CSGALNACT1: variants seen among roughly 807,000 people sequenced by gnomAD.
The protein encoded by CSGALNACT1 is beta4GalNAcT-1.
Under a neutral mutation model 51.0 loss-of-function variants are expected in CSGALNACT1, and 52 were observed. The ratio of observed to expected loss-of-function variants is 1.02; its 90% CI spans 0.82 to 1.29. The LOEUF is 1.29. Among genes scored for constraint, CSGALNACT1 ranks in the 50% most tolerant of loss-of-function variants. The pLI is 0.00. For missense variants in CSGALNACT1, 935 were observed against 679.2 expected, an observed-to-expected ratio of 1.38 and a Z score of -4.19; for synonymous variants, 341 against 254.4, an observed-to-expected ratio of 1.34 and a Z score of -3.24.
In CSGALNACT1 at chr8:19,423,851, T is replaced by C. The variant is rs182531796; in HGVS notation, c.954-3333A>G. 8.6e-3 allele frequency among the ~76,000 whole-genome samples: 1,311 copies of C among 152,310 alleles called. 13 individuals carry two copies. The highest frequency in any genetic ancestry group is 0.014 in the South Asian group (70 of 4,832). On this transcript the variant is annotated intron_variant, in intron 6 of 9. Coordinates refer to ENST00000454498, the Ensembl canonical transcript of CSGALNACT1. ...TCCATGGCACTACCCAATCTGAATA[T>C]GCATTTTGAATTCACTTCATGTGTC...
At chr8:19,447,067 T>C (rs967008699) in intron 5 of CSGALNACT1, among the ~76,000 whole-genome samples, 3 of 152,330 alleles carry the variant, frequency 2.0e-5, no homozygotes, top group Admixed American at 6.5e-5. Context: ...AGTTCTGTTA[T>C]GAATCTGCAC....
intron 1 of CSGALNACT1, among the ~76,000 whole-genome samples, chr8:19,702,955 CCCCTT>C (rs1453495270): frequency 6.6e-6 from 1 of 152,124 alleles, no homozygotes; most frequent in Non-Finnish European, 1.5e-5. Context: ...CCCTCTTAGC[CCCCTT>C]CCTGGTGTGG....
chr8:19,415,337 A>G (rs1426603044), intron 8 of CSGALNACT1, among the ~76,000 whole-genome samples: 1 of 152,182 alleles, frequency 6.6e-6, no homozygotes, highest in Non-Finnish European at 1.5e-5. Flanking sequence ...TTCTTTTGGG[A>G]AGGGGGAGTC....
intron 6 of CSGALNACT1, 36 bp downstream of exon 5, chr8:19,439,794 C>G (rs1194976938): frequency 6.6e-7 from 1 of 1,522,828 alleles, no homozygotes; most frequent in Non-Finnish European, 9.1e-7. Flanking sequence ...AGCTCAGTTA[C>G]CAGGATTCCT....
intron 4 of CSGALNACT1, among the ~76,000 whole-genome samples, chr8:19,485,626 G>C (rs933013180): frequency 1.3e-5 from 2 of 152,012 alleles, no homozygotes; most frequent in Admixed American, 1.3e-4. Flanking sequence ...GACAAGATGA[G>C]ATTAATCATT....
chr8:19,638,874 C>T (rs987773580), intron 1 of CSGALNACT1, among the ~76,000 whole-genome samples: 1 of 152,072 alleles, frequency 6.6e-6, no homozygotes, highest in Non-Finnish European at 1.5e-5. Flanking sequence ...AAAGCATACA[C>T]CGAGACTTAC....
In CSGALNACT1 at chr8:19,563,436, T is replaced by G. The variant is rs559979266; in HGVS notation, c.-297+27724A>C. Among the ~76,000 whole-genome samples the G allele has an allele frequency of 2.0e-5, 3 of 152,274 alleles. No individual in the cohort carries two copies. The South Asian group carries it at 6.2e-4, about 32-fold the overall frequency. Reference sequence around the variant, plus strand: ...CACGTGTAACCTGGAACTTAAAAATTTTTTAAATAGAAAAATATTATTTTC... The same window carrying G: ...CACGTGTAACCTGGAACTTAAAAATGTTTTAAATAGAAAAATATTATTTTC... On this transcript the variant is annotated intron_variant, in intron 3 of 9. Transcript: ENST00000454498.
chr8:19,614,583 T>C (rs182895927), intron 1 of CSGALNACT1, among the ~76,000 whole-genome samples: 6 of 152,110 alleles, frequency 3.9e-5, no homozygotes, highest in Non-Finnish European at 7.4e-5. Flanking sequence ...AGATAAAAAA[T>C]TTTTTTTCAT....
At chr8:19,510,078 A>G (rs1377852418) in intron 3 of CSGALNACT1, among the ~76,000 whole-genome samples, 1 of 152,122 alleles carries the variant, frequency 6.6e-6, no homozygotes, top group Non-Finnish European at 1.5e-5. Flanking sequence ...GAAAATCCTT[A>G]TGCTCATCAG....
chr8:19,445,255 C>T (rs766569446), intron 5 of CSGALNACT1, among the ~76,000 whole-genome samples: 3 of 152,192 alleles, frequency 2.0e-5, no homozygotes, highest in Non-Finnish European at 2.9e-5. Flanking sequence ...CGGTAGAATA[C>T]AAGCACACAC....
intron 3 of CSGALNACT1, among the ~76,000 whole-genome samples, chr8:19,562,483 A>AG (rs768056930): frequency 1.0e-4 from 15 of 144,992 alleles, no homozygotes; most frequent in Non-Finnish European, 1.8e-4. Context: ...GCTTCTGCAC[A>AG]GAAAAAAAAA....
chr8:19,703,510 A>C (rs2154220762), intron 1 of CSGALNACT1, among the ~76,000 whole-genome samples: 1 of 152,242 alleles, frequency 6.6e-6, no homozygotes, highest in Non-Finnish European at 1.5e-5. Flanking sequence ...TCACCATGTT[A>C]GCCAGGATGG....
At chr8:19,552,670 T>C (rs958659754) in intron 3 of CSGALNACT1, among the ~76,000 whole-genome samples, 1 of 152,212 alleles carries the variant, frequency 6.6e-6, no homozygotes, top group African/African-American at 2.4e-5. Context: ...GGCACTTCAA[T>C]ACTGAGATGA....
chr8:19,423,166 GGAA>G (rs1159125618), intron 6 of CSGALNACT1, among the ~76,000 whole-genome samples: 1 of 152,128 alleles, frequency 6.6e-6, no homozygotes, highest in Non-Finnish European at 1.5e-5. Flanking sequence ...TTTTGCCAAG[GGAA>G]GAAGAACATA....
intron 4 of CSGALNACT1, among the ~76,000 whole-genome samples, chr8:19,482,132 C>T (rs1171039800): frequency 6.6e-6 from 1 of 152,126 alleles, no homozygotes; most frequent in Non-Finnish European, 1.5e-5. Flanking sequence ...CTACCATTTC[C>T]TTCCTCTCTT....
intron 1 of CSGALNACT1, among the ~76,000 whole-genome samples, chr8:19,705,089 C>CA (rs1287956414): frequency 6.6e-6 from 1 of 152,052 alleles, no homozygotes; most frequent in Non-Finnish European, 1.5e-5. Flanking sequence ...ATTTGCACCA[C>CA]AAAAAGGTAC....
intron 1 of CSGALNACT1, among the ~76,000 whole-genome samples, chr8:19,722,559 A>C (rs1236625336): frequency 6.6e-6 from 1 of 152,152 alleles, no homozygotes; most frequent in Admixed American, 6.5e-5. Context: ...TGGTCTCCCC[A>C]GCCTAGGGTC....
At chr8:19,506,733 C>T (rs1023835066) in intron 3 of CSGALNACT1, among the ~76,000 whole-genome samples, 1 of 152,160 alleles carries the variant, frequency 6.6e-6, no homozygotes, top group Non-Finnish European at 1.5e-5. Context: ...TTGTCTCTCT[C>T]TATCCCCACT....
chr8:19,442,740 T>C (rs1199566537), intron 5 of CSGALNACT1, among the ~76,000 whole-genome samples: 1 of 148,116 alleles, frequency 6.8e-6, no homozygotes, highest in Non-Finnish European at 1.5e-5. Context: ...GACTATGAAG[T>C]ACGAAAGATG....
Sources: allele counts gnomAD v4.1 joint callset (sites outside exome capture counted in the v4.1 genomes callset), GRCh38; gene constraint gnomAD v4.1.1; transcripts MANE v1.5; gene names NCBI Gene and HGNC (gene_info 2026-07-23, HGNC 2026-07-21).